The following CAPN12 variants were observed in gnomAD, a reference collection of about 807,000 sequenced individuals.
The protein encoded by CAPN12 is calpain-12.
A neutral mutation model predicts 95.0 loss-of-function variants in CAPN12; 107 were observed. That is an observed-to-expected ratio of 1.13 (90% CI 0.96 to 1.32). The LOEUF is 1.32. CAPN12 is among the 40% of genes most tolerant of loss of function. CAPN12 has a pLI of 0.00. For synonymous variants in CAPN12, 505 were observed against 415.5 expected, an observed-to-expected ratio of 1.22 and a Z score of -2.62; for missense variants, 1,136 against 997.8, an observed-to-expected ratio of 1.14 and a Z score of -1.87.
At chr19:38,734,076 G>T (rs953437176) in intron 17 of CAPN12, 66 bp downstream of exon 17, 1 of 1,565,410 alleles carries the variant, frequency 6.4e-7, no homozygotes, top group Non-Finnish European at 8.7e-7. Context: ...TAGCCCACAG[G>T]GTGCCTATGT....
chr19:38,731,917 G>A (rs1249466507), intron 18 of CAPN12, among the ~76,000 whole-genome samples: 1 of 152,258 alleles, frequency 6.6e-6, no homozygotes, highest in Non-Finnish European at 1.5e-5. Context: ...CAGGTGGCCT[G>A]CAGCCTCTTC....
chr19:38,741,450 G>A (rs1015351015), intron 4 of CAPN12, among the ~76,000 whole-genome samples: 2 of 152,128 alleles, frequency 1.3e-5, no homozygotes, highest in Non-Finnish European at 2.9e-5. Context: ...GTGCGCTCCT[G>A]TAATCCCAGC....
At chr19:38,743,250 C>T (rs1299318189) in intron 1 of CAPN12, 148 bp from the exon 2 acceptor site, 4 of 827,192 alleles carry the variant, frequency 4.8e-6, no homozygotes, top group Non-Finnish European at 5.8e-6. Context: ...TTGTGCTGAG[C>T]CAGTCCCATG....
chr19:38,735,371 T>C lies in CAPN12; in HGVS notation c.1685A>G (p.Glu562Gly). ...CCTCAGTCCAATCCCCCTCCTCACCTCTCCAGCCAGCTCCTGAAACAGCTG... is the reference window on the plus strand; with the variant it reads ...CCTCAGTCCAATCCCCCTCCTCACCCCTCCAGCCAGCTCCTGAAACAGCTG... The part of the protein sequence containing the change: ...LEQLFQELAG[E>G]EEELNASQLQ... The change falls in exon 14 of 21, where the codon GAG becomes GGG. Residue 562 changes from glutamate (E) to glycine (G), a missense_variant and splice_region_variant. Glu to Gly is a moderately conservative substitution (Grantham distance 98). Coordinates refer to ENST00000328867, the MANE Select transcript of CAPN12 (RefSeq NM_144691.4). 6.3e-7 allele frequency: 1 copy of C among 1,592,000 alleles called. No homozygotes were observed. Among genetic ancestry groups the C allele is most frequent in the Non-Finnish European group, 8.6e-7 (1 of 1,167,546 alleles).
Position 38,736,098 on chromosome 19 carries a change from C to T in CAPN12, c.1583+12G>A, listed in dbSNP as rs368118072. 4,802 of 1,477,756 alleles carry T rather than the reference C, an allele frequency of 3.2e-3. 145 individuals are homozygous for T. The African/African-American group carries it at 0.061, about 19-fold the overall frequency. 91.5% of individuals were successfully genotyped at this position (1,477,756 alleles called of 1,614,324 possible). On this transcript the variant is annotated intron_variant, in intron 12 of 20. Transcript: ENST00000328867. ...GCAGGGATGGGGTCGGATTTGGGTG[C>T]CCGGGGCTCACACGGCCGTGTGGCG... is the stretch of plus-strand genomic sequence containing the variant.
intron 14 of CAPN12, 23 bp from the exon 15 acceptor site, chr19:38,734,893 T>C (rs774375541): frequency 1.4e-5 from 23 of 1,611,242 alleles, no homozygotes; most frequent in East Asian, 2.2e-5. Context: ...AGAGGGCTTG[T>C]GAGGCCATTT....
chr19:38,734,410 A>G lies in CAPN12; in HGVS notation c.1745-21T>C, dbSNP rs76365393. The G allele has an allele frequency of 2.0e-3, 3,051 of 1,563,838 alleles. 57 individuals are homozygous for G. In the African/African-American group the frequency reaches 0.037, roughly 19 times the overall value. On this transcript the variant is annotated intron_variant, in intron 15 of 20. Transcript: ENST00000328867. ...CCTGGCTACAGGAAAAACAAAGTCA[A>G]ACCACAGCACTTCCTGCATTCTGGC...
At position 38,738,575 on chromosome 19, in the gene CAPN12, T is replaced by A; in HGVS notation, c.803A>T (p.Lys268Met). ...GHAYSITGTH[K>M]VFLGFTKVRL... ...ACCCCACCCATGGGGGACACTTACC[T>A]TGTGTGTGCCCGTGATGGAATACGC... Residue 268 changes from lysine (K) to methionine (M), a missense_variant and splice_region_variant, in exon 6 of 21, where the codon AAG becomes ATG. Lys to Met is a moderately conservative substitution (Grantham distance 95, BLOSUM62 -1). Transcript: ENST00000328867. 1 of 1,613,968 alleles carries A rather than the reference T, an allele frequency of 6.2e-7. No homozygotes were observed. Among genetic ancestry groups the A allele is most frequent in the Non-Finnish European group, 8.5e-7 (1 of 1,179,996 alleles).
In CAPN12 at chr19:38,737,158, G is replaced by A. The variant is rs986615721; in HGVS notation, c.1360C>T (p.Gln454Ter). The A allele has an allele frequency of 3.2e-6, 5 of 1,540,926 alleles. No homozygotes were observed. Among genetic ancestry groups the A allele is most frequent in the Non-Finnish European group, 1.7e-6 (2 of 1,144,430 alleles). ...TYLTVGFHVF[Q>*]IPEELLGLWD... ...CTCAGCTTTGCCCAGGACCTCACCT[G>A]GAACACGTGGAAGCCAACGGTGAGG... The change falls in exon 10 of 21, where the codon CAG becomes TAG. Residue 454 changes from glutamine to a stop codon, truncating the protein, a stop_gained and splice_region_variant. Transcript: ENST00000328867. LOFTEE classifies it high-confidence loss of function.
chr19:38,736,147 T>TG lies in CAPN12; in HGVS notation c.1545dup (p.Thr516HisfsTer83). 6.6e-7 allele frequency: 1 copy of TG among 1,510,618 alleles called. No homozygotes were observed. 93.6% of individuals were successfully genotyped at this position (1,510,618 alleles called of 1,614,324 possible). A position where few individuals can be genotyped will look rare whatever the true frequency, so the allele number is the denominator to read the frequency against. ...CGGCGCTCGGAGAAGACACGCAGAGTGAAGTCAGCCTCGTCGCCGGCGTGG... is the reference window on the plus strand; with the variant it reads ...CGGCGCTCGGAGAAGACACGCAGAGTGGAAGTCAGCCTCGTCGCCGGCGTGG... On this transcript the variant is annotated frameshift_variant, in exon 12 of 21. Transcript: ENST00000328867. LOFTEE classifies it high-confidence loss of function.
Position 38,744,130 on chromosome 19 carries a change from G to T in CAPN12, c.36C>A (p.Leu12=). The change falls in exon 1 of 21, where the codon CTC becomes CTA. Residue 12 remains leucine, a synonymous_variant. Transcript: ENST00000328867. ...ASSSGRVTIQ[L]VDEEAGVGAG... is the part of the protein sequence containing the mutation. ...CTCCGACCCCAGCCTCCTCATCCAC[G>T]AGCTGGATGGTGACCCTCCCACTGC... The T allele has an allele frequency of 6.2e-7, 1 of 1,614,050 alleles. No homozygotes were observed. Among genetic ancestry groups the T allele is most frequent in the Non-Finnish European group, 8.5e-7 (1 of 1,180,026 alleles).
chr19:38,731,314 T>G, intron 18 of CAPN12, 91 bp from the exon 19 acceptor site: 1 of 947,990 alleles, frequency 1.1e-6, no homozygotes, highest in South Asian at 1.3e-5. Flanking sequence ...AGGACATGAA[T>G]GCCACAGGGT....
At chr19:38,740,002 TGTGCTCTGGTCCTG>T in intron 5 of CAPN12, 35 bp downstream of exon 5, 14 of 1,493,358 alleles carry the variant, frequency 9.4e-6, no homozygotes, top group Non-Finnish European at 1.2e-5. Flanking sequence ...CACCCCTGAC[TGTGCTCTGGTCCTG>T]GTGGGGGTTC....
At position 38,735,600 on chromosome 19, in the gene CAPN12, G is replaced by A; in HGVS notation, c.1584-56C>T. On this transcript the variant is annotated intron_variant, in intron 12 of 20. Transcript: ENST00000328867. ...GGCTGTTTGCCCCAGCTGGGGCTGT[G>A]TGGGACGGGGTCTCAGGTGAGGAAT... The A allele has an allele frequency of 2.0e-5, 31 of 1,572,146 alleles. 1 individual carries two copies. Among genetic ancestry groups the A allele is most frequent in the Non-Finnish European group, 2.6e-5 (30 of 1,157,242 alleles).
In CAPN12 at chr19:38,742,037, T is replaced by C. The variant is rs1198861143; in HGVS notation, c.427-127A>G. The C allele has an allele frequency of 1.0e-5, 14 of 1,385,026 alleles. No homozygotes were observed. In the East Asian group the frequency reaches 3.5e-4, roughly 35 times the overall value. 85.8% of individuals were successfully genotyped at this position (1,385,026 alleles called of 1,614,324 possible). On this transcript the variant is annotated intron_variant, in intron 3 of 20. Transcript: ENST00000328867. ...AAGTCAACGTTAACTATGAAATCCA[T>C]ATGGCTGGCCGGGTGCGGTGGCTCA...
intron 5 of CAPN12, chr19:38,739,311 A>G (rs12975953): frequency 0.057 from 8,697 of 152,074 alleles, 260 homozygotes; most frequent in South Asian, 0.098. Flanking sequence ...CTAGCTGGGC[A>G]TGGTGGCGGG....
rs1167165674 is a variant in CAPN12, at chr19:38,737,277, C to T, written c.1241G>A (p.Gly414Asp). 1.4e-6 allele frequency: 1 copy of T among 701,638 alleles called. No homozygotes were observed. Among genetic ancestry groups the T allele is most frequent in the South Asian group, 1.5e-5 (1 of 67,358 alleles). 43.5% of individuals were successfully genotyped at this position (701,638 alleles called of 1,614,324 possible). ...WGGWGAAGAR[G>D]PARGGRTPKC... ...GGGCGTGCGGCCCCCCCGCGCTGGG[C>T]CCCGTGCCCCTGCAGCCCCCCAGCC... Residue 414 changes from glycine (G) to aspartate (D), a missense_variant, in exon 10 of 21, where the codon GGC (glycine) becomes GAC (aspartate). Coordinates refer to ENST00000328867, the MANE Select transcript of CAPN12 (RefSeq NM_144691.4).
chr19:38,733,736 A>T lies in CAPN12; in HGVS notation c.1924T>A (p.Ser642Thr), dbSNP rs1252712828. 1.2e-6 allele frequency: 2 copies of T among 1,613,536 alleles called. No homozygotes were observed. Among genetic ancestry groups the T allele is most frequent in the Non-Finnish European group, 1.7e-6 (2 of 1,179,978 alleles). Residue 642 changes from serine to threonine, a missense_variant, in exon 18 of 21, where the codon TCC becomes ACC. Ser to Thr is a moderately conservative substitution (Grantham distance 58). Coordinates refer to ENST00000328867, the MANE Select transcript of CAPN12 (RefSeq NM_144691.4). ...FDEDTSGTMN[S>T]YELRLALNAA... ...TTCAGTGCCAGCCTCAGCTCGTAGG[A>T]GTTCATGGTTCCAGAGGTGTCCTCA... is the stretch of plus-strand genomic sequence containing the variant.
Position 38,734,876 on chromosome 19 carries a change from C to T in CAPN12, c.1687-6G>A, listed in dbSNP as rs771514517. 3.1e-6 allele frequency: 5 copies of T among 1,612,572 alleles called. No individual in the cohort carries two copies. Among genetic ancestry groups the T allele is most frequent in the Non-Finnish European group, 4.2e-6 (5 of 1,179,776 alleles). ...GAGGCATTGAGTTCTTCCTCCTAGT[C>T]CAGGAAAGAGGGCTTGTGAGGCCAT... On this transcript the variant is annotated splice_region_variant and splice_polypyrimidine_tract_variant and intron_variant, in intron 14 of 20. Coordinates refer to ENST00000328867, the MANE Select transcript of CAPN12 (RefSeq NM_144691.4).
Sources: allele counts gnomAD v4.1 joint callset (sites outside exome capture counted in the v4.1 genomes callset), GRCh38; gene constraint gnomAD v4.1.1; transcripts MANE v1.5; gene names NCBI Gene and HGNC (gene_info 2026-07-23, HGNC 2026-07-21).